HECW1: variants seen among roughly 807,000 people sequenced by gnomAD.
HECW1 encodes HECT, C2 and WW domain containing E3 ubiquitin protein ligase 1, also known as E3 ubiquitin-protein ligase HECW1.
In HECW1, 61 loss-of-function variants were observed where a neutral mutation model predicts 182.3. The ratio of observed to expected loss-of-function variants is 0.33; its 90% CI spans 0.27 to 0.41. The LOEUF is 0.41. HECW1 is among the 10% of genes least tolerant of loss of function. HECW1 has a pLI of 1.00. For synonymous variants in HECW1, 859 were observed against 832.6 expected, an observed-to-expected ratio of 1.03 and a Z score of -0.55; for missense variants, 1,739 against 2,108.9, an observed-to-expected ratio of 0.82 and a Z score of 3.44.
At chr7:43,517,559 C>T (rs1468278711) in intron 24 of HECW1, among the ~76,000 whole-genome samples, 1 of 152,058 alleles carries the variant, frequency 6.6e-6, no homozygotes. Context: ...TTTAAATATC[C>T]CTTGCTACAT....
At chr7:43,507,566 T>TA (rs1434311497) in intron 22 of HECW1, among the ~76,000 whole-genome samples, 1 of 152,102 alleles carries the variant, frequency 6.6e-6, no homozygotes, top group Non-Finnish European at 1.5e-5. Context: ...TTGAACTAAA[T>TA]AAAAAATCTC....
intron 6 of HECW1, among the ~76,000 whole-genome samples, chr7:43,392,306 T>C (rs1399605702): frequency 1.3e-5 from 2 of 152,034 alleles, no homozygotes; most frequent in Non-Finnish European, 2.9e-5. Context: ...GTAAATGGAG[T>C]TATCACATCA....
chr7:43,166,704 C>T (rs1483880572), intron 2 of HECW1, among the ~76,000 whole-genome samples: 1 of 152,158 alleles, frequency 6.6e-6, no homozygotes, highest in Admixed American at 6.5e-5. Context: ...TAATAGGAAC[C>T]TTTGTCCACT....
In HECW1 at chr7:43,150,037, G is replaced by A. The variant is rs193194116; in HGVS notation, c.-32+35646G>A. On this transcript the variant is annotated intron_variant, in intron 2 of 29. Transcript: ENST00000395891. ...TTATCTCATGATATCTTCTTGCAGT[G>A]CAATATATCTTATGGTTAAAAATGA... is the stretch of plus-strand genomic sequence containing the variant. 3.7e-4 allele frequency among the ~76,000 whole-genome samples: 56 copies of A among 152,216 alleles called. No homozygotes were observed. In the East Asian group the frequency reaches 9.9e-3, roughly 27 times the overall value.
chr7:43,564,380 T>C lies in HECW1; in HGVS notation c.*2454T>C, dbSNP rs79219757. Reference sequence around the variant, plus strand: ...GCAATTTATATAAATTACTAATTAATCTATTAATTAGATTAATTAATATCT... The same window carrying C: ...GCAATTTATATAAATTACTAATTAACCTATTAATTAGATTAATTAATATCT... On this transcript the variant is annotated 3_prime_UTR_variant, in exon 30 of 30. Transcript: ENST00000395891. The C allele has an allele frequency of 0.041, 7,432 of 182,108 alleles. 553 individuals are homozygous for C. Among genetic ancestry groups the C allele is most frequent in the African/African-American group, 0.16 (6,949 of 42,556 alleles). 11.3% of individuals were successfully genotyped at this position (182,108 alleles called of 1,614,324 possible).
chr7:43,522,664 AG>A (rs1227692991), intron 24 of HECW1: 2 of 160,402 alleles, frequency 1.2e-5, no homozygotes, highest in Non-Finnish European at 2.7e-5. Flanking sequence ...ACAGGCCAAG[AG>A]GGAAAAATTA....
chr7:43,247,744 AGGGAGGGAGG>A (rs1799528560), intron 3 of HECW1, among the ~76,000 whole-genome samples: 1 of 109,816 alleles, frequency 9.1e-6, no homozygotes, highest in Non-Finnish European at 1.9e-5. Flanking sequence ...GGAAGGAAGG[AGGGAGGGAGG>A]AAGGGAAAGA....
chr7:43,216,837 T>A (rs1022169469), intron 2 of HECW1, among the ~76,000 whole-genome samples: 1 of 152,090 alleles, frequency 6.6e-6, no homozygotes, highest in African/African-American at 2.4e-5. Context: ...GTATTTTTAG[T>A]AAAGACGGGG....
intron 2 of HECW1, among the ~76,000 whole-genome samples, chr7:43,224,040 A>G (rs891991665): frequency 2.0e-5 from 3 of 152,176 alleles, no homozygotes; most frequent in Non-Finnish European, 4.4e-5. Context: ...ACTTTCTACT[A>G]TACTACAGGA....
intron 17 of HECW1, among the ~76,000 whole-genome samples, chr7:43,489,307 G>A (rs1025871060): frequency 6.6e-6 from 1 of 152,158 alleles, no homozygotes; most frequent in Non-Finnish European, 1.5e-5. Flanking sequence ...AAACTGGCAT[G>A]ATTCCCTCCA....
At chr7:43,292,063 A>G (rs1805464135) in intron 3 of HECW1, among the ~76,000 whole-genome samples, 1 of 152,226 alleles carries the variant, frequency 6.6e-6, no homozygotes, top group Non-Finnish European at 1.5e-5. Context: ...TTACAAATGG[A>G]GATTTCCTTT....
chr7:43,336,257 A>T (rs1457717008), intron 5 of HECW1, among the ~76,000 whole-genome samples: 1 of 144,716 alleles, frequency 6.9e-6, no homozygotes, highest in East Asian at 2.0e-4. Flanking sequence ...CTGCGGCCTC[A>T]AGGGCTCAAG....
At chr7:43,338,568 A>G (rs1393696885) in intron 5 of HECW1, among the ~76,000 whole-genome samples, 2 of 152,158 alleles carry the variant, frequency 1.3e-5, no homozygotes, top group African/African-American at 4.8e-5. Flanking sequence ...TGTCTAATGT[A>G]TGCAATGAGA....
chr7:43,515,678 C>A (rs1388197626), intron 24 of HECW1, among the ~76,000 whole-genome samples: 1 of 152,170 alleles, frequency 6.6e-6, no homozygotes, highest in Non-Finnish European at 1.5e-5. Flanking sequence ...GTAGTACCCT[C>A]TATTTTAAAT....
Position 43,550,359 on chromosome 7 carries a change from A to G in HECW1, c.4249-86A>G, listed in dbSNP as rs1392486254. 6.1e-6 allele frequency: 9 copies of G among 1,465,060 alleles called. No individual in the cohort carries two copies. The Admixed American group carries it at 1.3e-4, about 20-fold the overall frequency. 90.8% of individuals were successfully genotyped at this position (1,465,060 alleles called of 1,614,324 possible). Reference sequence around the variant, plus strand: ...TAATGCCCTGTAGAGGATTTTTGGCATACGGTCATCCCCCTAAAATCAGTG... The same window carrying G: ...TAATGCCCTGTAGAGGATTTTTGGCGTACGGTCATCCCCCTAAAATCAGTG... On this transcript the variant is annotated intron_variant, in intron 26 of 29. Coordinates refer to ENST00000395891, the MANE Select transcript of HECW1 (RefSeq NM_015052.5).
chr7:43,264,869 A>G (rs1021269687), intron 3 of HECW1, among the ~76,000 whole-genome samples: 18 of 148,764 alleles, frequency 1.2e-4, no homozygotes, highest in African/African-American at 2.0e-4. Context: ...AAAAATTGCT[A>G]TTGTCGAGAA....
chr7:43,221,357 A>C (rs928753713), intron 2 of HECW1, among the ~76,000 whole-genome samples: 2 of 152,034 alleles, frequency 1.3e-5, no homozygotes, highest in African/African-American at 4.8e-5. Flanking sequence ...CTTTAGGCCA[A>C]GGATGAAATA....
rs1812377035 is a variant in HECW1 at position 43,336,995 on chromosome 7, C to T, written c.460+16253C>T. Among the ~76,000 whole-genome samples the T allele has an allele frequency of 3.3e-5, 5 of 152,164 alleles. No homozygotes were observed. The South Asian group carries it at 1.0e-3, about 32-fold the overall frequency. The stretch of plus-strand genomic sequence containing the variant: ...GACTTTGCTATTGTGAATAGTGCTG[C>T]AATAAACATAGGAGTGCAGATGTCT... On this transcript the variant is annotated intron_variant, in intron 5 of 29. Transcript: ENST00000395891.
At chr7:43,289,028 G>C (rs1805030137) in intron 3 of HECW1, among the ~76,000 whole-genome samples, 1 of 152,058 alleles carries the variant, frequency 6.6e-6, no homozygotes, top group Non-Finnish European at 1.5e-5. Flanking sequence ...GCCTACAACA[G>C]TGCCTGGCTG....
Sources: allele counts gnomAD v4.1 joint callset (sites outside exome capture counted in the v4.1 genomes callset), GRCh38; gene constraint gnomAD v4.1.1; transcripts MANE v1.5; gene names NCBI Gene and HGNC (gene_info 2026-07-23, HGNC 2026-07-21).